Variants in UGT1A8 observed in about 807,000 individuals in gnomAD.
UGT1A8 encodes UDP-glucuronosyltransferase 1A8.
A neutral mutation model predicts 45.3 loss-of-function variants in UGT1A8; 39 were observed. That is an observed-to-expected ratio of 0.86 (90% CI 0.67 to 1.12). The LOEUF is 1.12. Among genes scored for constraint, UGT1A8 ranks in the 50% most tolerant of loss-of-function variants. UGT1A8 has a pLI of 0.00. For synonymous variants in UGT1A8, 275 were observed against 249.2 expected (o/e 1.10, Z -0.97); for missense variants, 719 against 664.9 (o/e 1.08, Z -0.90).
intron 1 of UGT1A8, among the ~76,000 whole-genome samples, chr2:233,662,289 A>T (rs1463569872): frequency 6.6e-6 from 1 of 152,178 alleles, no homozygotes; most frequent in Non-Finnish European, 1.5e-5. Context: ...CATTCCTGAC[A>T]TACTCAAGTT....
intron 1 of UGT1A8, among the ~76,000 whole-genome samples, chr2:233,745,355 T>A (rs1693086432): frequency 6.6e-6 from 1 of 151,846 alleles, no homozygotes; most frequent in African/African-American, 2.4e-5. Context: ...TTGGGGGAAT[T>A]TTTTTGAGAT....
Position 233,772,666 on chromosome 2 carries a change from T to G in UGT1A8, c.*107T>G. 6.5e-7 allele frequency: 1 copy of G among 1,538,162 alleles called. No individual in the cohort carries two copies. Among genetic ancestry groups the G allele is most frequent in the South Asian group, 1.2e-5 (1 of 82,746 alleles). Reference sequence around the variant, plus strand: ...ATTTTATTCTTATTAAGGAAATACTTTGCATAAATTAATCAGCCCCAGAGT... The same window carrying G: ...ATTTTATTCTTATTAAGGAAATACTGTGCATAAATTAATCAGCCCCAGAGT... On this transcript the variant is annotated 3_prime_UTR_variant, in exon 5 of 5. Coordinates refer to ENST00000373450, the MANE Select transcript of UGT1A8 (RefSeq NM_019076.5).
chr2:233,642,925 G>A (rs1299130678), intron 1 of UGT1A8, among the ~76,000 whole-genome samples: 2 of 151,928 alleles, frequency 1.3e-5, no homozygotes, highest in Non-Finnish European at 2.9e-5. Flanking sequence ...TCTGTTCTGA[G>A]CCACCTCAAG....
At chr2:233,726,090 G>A (rs962783366) in intron 1 of UGT1A8, among the ~76,000 whole-genome samples, 6 of 152,132 alleles carry the variant, frequency 3.9e-5, no homozygotes, top group African/African-American at 1.4e-4. Context: ...TACTTGATCC[G>A]AGGAGGTGGA....
At chr2:233,685,445 C>A (rs1384773104) in intron 1 of UGT1A8, among the ~76,000 whole-genome samples, 2 of 152,212 alleles carry the variant, frequency 1.3e-5, no homozygotes, top group African/African-American at 4.8e-5. Flanking sequence ...CGAGCTGAAT[C>A]TACACCATCT....
chr2:233,681,849 T>G (rs2074542229), intron 1 of UGT1A8: 1 of 1,519,206 alleles, frequency 6.6e-7, no homozygotes, highest in Admixed American at 2.3e-5. Flanking sequence ...ACGCCTTCTT[T>G]TGAGGGCAGG....
At chr2:233,661,624 T>TTTCTTTCC (rs1553602626) in intron 1 of UGT1A8, among the ~76,000 whole-genome samples, 106 of 14,124 alleles carry the variant, frequency 7.5e-3, no homozygotes, top group African/African-American at 0.034. Flanking sequence ...CTTACTGAAT[T>TTTCTTTCC]TTCTTTCTTT....
chr2:233,754,953 C>T (rs1487058909), intron 1 of UGT1A8: 2 of 1,319,926 alleles, frequency 1.5e-6, no homozygotes, highest in South Asian at 1.1e-5. Context: ...TGGGTCCCGG[C>T]CGCCAAAGAA....
At chr2:233,688,288 G>C (rs562176649) in intron 1 of UGT1A8, among the ~76,000 whole-genome samples, 1 of 152,086 alleles carries the variant, frequency 6.6e-6, no homozygotes, top group African/African-American at 2.4e-5. Context: ...TGGATTTACC[G>C]CATTTTTTTT....
At chr2:233,695,130 C>CTTTCTCTTT (rs1364557158) in intron 1 of UGT1A8, among the ~76,000 whole-genome samples, 2 of 138,840 alleles carry the variant, frequency 1.4e-5, no homozygotes, top group African/African-American at 5.4e-5. Context: ...CTTTTCTTTT[C>CTTTCTCTTT]TTTTTTTTTT....
chr2:233,639,549 T>C (rs1026816953), intron 1 of UGT1A8, among the ~76,000 whole-genome samples: 1 of 152,188 alleles, frequency 6.6e-6, no homozygotes, highest in Non-Finnish European at 1.5e-5. Flanking sequence ...GTCTCATCTG[T>C]CTGATGAGAA....
intron 1 of UGT1A8, among the ~76,000 whole-genome samples, chr2:233,703,264 TTC>T (rs371511491): frequency 1.3e-5 from 2 of 152,208 alleles, no homozygotes; most frequent in African/African-American, 4.8e-5. Flanking sequence ...TTATAATACT[TTC>T]TGTTTCTGTA....
chr2:233,677,392 A>G (rs750782049), intron 1 of UGT1A8, among the ~76,000 whole-genome samples: 1 of 152,226 alleles, frequency 6.6e-6, no homozygotes, highest in Non-Finnish European at 1.5e-5. Context: ...GAAAATCCGC[A>G]TAGAACTTTT....
chr2:233,653,575 T>A (rs1215383979), intron 1 of UGT1A8, among the ~76,000 whole-genome samples: 1 of 152,194 alleles, frequency 6.6e-6, no homozygotes, highest in Non-Finnish European at 1.5e-5. Context: ...TTGCTTAAAG[T>A]GCCCAAGTCT....
intron 1 of UGT1A8, among the ~76,000 whole-genome samples, chr2:233,745,931 A>T (rs1693251740): frequency 1.3e-5 from 2 of 151,426 alleles, no homozygotes; most frequent in African/African-American, 4.9e-5. Flanking sequence ...TTCAGAAGGG[A>T]CAGCTGGGGG....
chr2:233,727,261 C>T (rs1322887481), intron 1 of UGT1A8, among the ~76,000 whole-genome samples: 2 of 152,146 alleles, frequency 1.3e-5, no homozygotes, highest in African/African-American at 4.8e-5. Flanking sequence ...GCCCAGACCC[C>T]TCCTCATCTC....
At chr2:233,656,736 C>T (rs753069758) in intron 1 of UGT1A8, among the ~76,000 whole-genome samples, 2 of 152,048 alleles carry the variant, frequency 1.3e-5, no homozygotes, top group African/African-American at 2.4e-5. Flanking sequence ...TCTGTCCCGT[C>T]GTGGCTGTGA....
rs552027394 is a variant in UGT1A8, at chr2:233,768,534, G to A, written c.1295+95G>A. On this transcript the variant is annotated intron_variant, in intron 4 of 4. Transcript: ENST00000373450. ...CATTTACGTAGCATTTAATAGCGTT[G>A]TTTCAAATATAAAAACAAATACATA... 263 of 1,375,928 alleles carry A rather than the reference G, an allele frequency of 1.9e-4. 3 individuals carry two copies. In the South Asian group the frequency reaches 4.1e-3, roughly 21 times the overall value. The allele number at this position is 1,375,928 out of a possible 1,614,324, so 85.2% of individuals were successfully genotyped here.
At position 233,636,231 on chromosome 2, in the gene UGT1A8, G is replaced by A. The variant is rs45520638; in HGVS notation, c.855+17669G>A. The stretch of plus-strand genomic sequence containing the variant: ...CTTTCCGAATCTTCAAGGTCCAAAA[G>A]CATTGCTGAATAATTCTGTTTCTAA... On this transcript the variant is annotated intron_variant, in intron 1 of 4. Transcript: ENST00000373450. 3.5e-4 allele frequency among the ~76,000 whole-genome samples: 50 copies of A among 143,488 alleles called. 1 individual carries two copies. The highest frequency in any genetic ancestry group is 1.3e-3 in the African/African-American group (48 of 37,534). The allele number at this position is 143,488 out of a possible 152,430, so 94.1% of individuals were successfully genotyped here. A position where few individuals can be genotyped will look rare whatever the true frequency, so the allele number is the denominator to read the frequency against.
Sources: gnomAD v4.1 joint callset for allele counts (sites outside exome capture counted in the v4.1 genomes callset) on GRCh38, gnomAD v4.1.1 for gene constraint, MANE v1.5 for transcripts, NCBI Gene and HGNC (gene_info 2026-07-23, HGNC 2026-07-21) for gene names.